The following SLIT2 variants were observed in gnomAD, a reference collection of about 807,000 sequenced individuals.
SLIT2 encodes slit homolog 2 protein.
A neutral mutation model predicts 185.7 loss-of-function variants in SLIT2; 41 were observed. The observed-to-expected ratio is 0.22, with a 90% CI of 0.17 to 0.29. SLIT2 has a LOEUF of 0.29. Ranked by LOEUF, SLIT2 falls within the 10% of genes least tolerant of loss-of-function variation. The probability of loss-of-function intolerance (pLI) is 1.00; values close to 1 mark genes in which losing one functional copy is unlikely to be tolerated. For missense variants in SLIT2, 1,571 were observed against 1,909.0 expected, an observed-to-expected ratio of 0.82 and a Z score of 3.30; for synonymous variants, 693 against 680.2, an observed-to-expected ratio of 1.02 and a Z score of -0.29.
At chr4:20,259,760 C>T (rs1560261937) in intron 3 of SLIT2, among the ~76,000 whole-genome samples, 3 of 151,786 alleles carry the variant, frequency 2.0e-5, no homozygotes, top group South Asian at 4.1e-4. Flanking sequence ...AAGACTAAGT[C>T]AGATGTTTCA....
At chr4:20,552,665 A>G (rs2148893818) in intron 25 of SLIT2, 1 of 152,260 alleles carries the variant, frequency 6.6e-6, no homozygotes, top group South Asian at 2.1e-4. Context: ...CTGATTCTTA[A>G]ACGGGGCATT....
chr4:20,412,606 G>A (rs1354288177), intron 4 of SLIT2, among the ~76,000 whole-genome samples: 2 of 151,714 alleles, frequency 1.3e-5, no homozygotes, highest in Non-Finnish European at 2.9e-5. Flanking sequence ...AGATATCTGA[G>A]GCCTGATAAG....
chr4:20,458,016 A>G (rs747217188), intron 4 of SLIT2, among the ~76,000 whole-genome samples: 4 of 149,790 alleles, frequency 2.7e-5, no homozygotes, highest in Non-Finnish European at 4.4e-5. Context: ...ACCAGTTTTA[A>G]TTTTTGTGGA....
chr4:20,430,071 G>T (rs886152597), intron 4 of SLIT2, among the ~76,000 whole-genome samples: 76 of 151,992 alleles, frequency 5.0e-4, no homozygotes, highest in Non-Finnish European at 8.2e-4. Context: ...GATGTTGGCT[G>T]TATCATACTG....
At chr4:20,554,858 G>A (rs1342909855) in intron 26 of SLIT2, among the ~76,000 whole-genome samples, 2 of 151,998 alleles carry the variant, frequency 1.3e-5, no homozygotes, top group Non-Finnish European at 2.9e-5. Context: ...CCACCTCCCG[G>A]GTCCCGGCTC....
intron 19 of SLIT2, 73 bp from the exon 20 acceptor site, chr4:20,541,380 G>C (rs1429758047): frequency 1.5e-6 from 2 of 1,308,158 alleles, no homozygotes; most frequent in Non-Finnish European, 2.2e-6. Flanking sequence ...GTGGAGAAGG[G>C]TAGCTGGGGT....
At chr4:20,520,513 CT>C (rs2148843928) in intron 12 of SLIT2, among the ~76,000 whole-genome samples, 1 of 152,158 alleles carries the variant, frequency 6.6e-6, no homozygotes, top group Admixed American at 6.5e-5. Flanking sequence ...GTTATTTTCC[CT>C]CTGGAGTGTA....
At position 20,542,882 on chromosome 4, in the gene SLIT2, G is replaced by A. The variant is rs540419708; in HGVS notation, c.2276+256G>A. 5.8e-4 allele frequency among the ~76,000 whole-genome samples: 85 copies of A among 147,758 alleles called. 1 individual carries two copies. The highest frequency in any genetic ancestry group is 2.0e-3 in the African/African-American group (80 of 39,912). On this transcript the variant is annotated intron_variant, in intron 21 of 36. Transcript: ENST00000504154. ...TGTGTGCGCTATAAGATTTCTCAGT[G>A]CCTTTACTATGCTAAAGTGTACTAT...
intron 1 of SLIT2, among the ~76,000 whole-genome samples, 191 bp from the exon 2 acceptor site, chr4:20,256,481 A>G (rs1224035618): frequency 1.3e-5 from 2 of 152,224 alleles, no homozygotes; most frequent in East Asian, 3.8e-4. Flanking sequence ...GCCAGCAAGA[A>G]TGAACCTTGT....
intron 4 of SLIT2, among the ~76,000 whole-genome samples, chr4:20,367,845 G>A (rs550461821): frequency 2.3e-4 from 35 of 152,140 alleles, no homozygotes; most frequent in African/African-American, 8.2e-4. Flanking sequence ...GATTCTGGCC[G>A]GCAAAGCTCC....
intron 6 of SLIT2, among the ~76,000 whole-genome samples, chr4:20,482,142 T>G (rs1716762469): frequency 6.6e-6 from 1 of 151,960 alleles, no homozygotes; most frequent in Non-Finnish European, 1.5e-5. Flanking sequence ...CCATAGTCAG[T>G]GTCACTAAAA....
intron 4 of SLIT2, among the ~76,000 whole-genome samples, chr4:20,400,627 G>A (rs1449907876): frequency 1.3e-5 from 2 of 151,480 alleles, no homozygotes; most frequent in Non-Finnish European, 1.5e-5. Context: ...AATAGAGATG[G>A]AAATTGAAAA....
chr4:20,304,648 C>A (rs753808183), intron 4 of SLIT2, among the ~76,000 whole-genome samples: 1 of 152,108 alleles, frequency 6.6e-6, no homozygotes, highest in Non-Finnish European at 1.5e-5. Flanking sequence ...TGTTAGGAAG[C>A]CCGAGAAGTG....
At chr4:20,307,976 A>C (rs76135749) in intron 4 of SLIT2, among the ~76,000 whole-genome samples, 12 of 152,178 alleles carry the variant, frequency 7.9e-5, no homozygotes, top group Non-Finnish European at 1.5e-4. Flanking sequence ...CTGATTCTAC[A>C]TTGAATAAAA....
intron 4 of SLIT2, among the ~76,000 whole-genome samples, chr4:20,330,113 C>T (rs187585650): frequency 6.6e-6 from 1 of 152,112 alleles, no homozygotes; most frequent in East Asian, 1.9e-4. Context: ...TTTACACTTC[C>T]CTTACCACAA....
chr4:20,449,810 A>G (rs1712267186), intron 4 of SLIT2, among the ~76,000 whole-genome samples: 1 of 152,230 alleles, frequency 6.6e-6, no homozygotes, highest in Non-Finnish European at 1.5e-5. Flanking sequence ...ATAATTAGAA[A>G]CTTTATGGGG....
chr4:20,326,391 A>T (rs765409854), intron 4 of SLIT2, among the ~76,000 whole-genome samples: 3 of 152,034 alleles, frequency 2.0e-5, no homozygotes, highest in Non-Finnish European at 4.4e-5. Context: ...GATGTTTCAA[A>T]GGGCATTTGA....
At chr4:20,555,885 C>A (rs1359277856) in intron 26 of SLIT2, among the ~76,000 whole-genome samples, 1 of 151,770 alleles carries the variant, frequency 6.6e-6, no homozygotes, top group Non-Finnish European at 1.5e-5. Context: ...TCCTTGAATT[C>A]CTATTTTCAA....
At chr4:20,529,452 A>T (rs1721591477) in intron 16 of SLIT2, among the ~76,000 whole-genome samples, 1 of 152,180 alleles carries the variant, frequency 6.6e-6, no homozygotes, top group Non-Finnish European at 1.5e-5. Flanking sequence ...ATAGCAACTA[A>T]ATAAAGTAGT....
Sources: allele counts gnomAD v4.1 joint callset (sites outside exome capture counted in the v4.1 genomes callset), GRCh38; gene constraint gnomAD v4.1.1; transcripts MANE v1.5; gene names NCBI Gene and HGNC (gene_info 2026-07-23, HGNC 2026-07-21).